The following ACACA variants were observed in gnomAD, a reference collection of about 807,000 sequenced individuals.
ACACA encodes the protein acetyl-CoA carboxylase alpha, also known as acetyl-CoA carboxylase 1.
Under a neutral mutation model 296.1 loss-of-function variants are expected in ACACA, and 103 were observed. That is an observed-to-expected ratio of 0.35 (90% confidence interval 0.30 to 0.41). The LOEUF is 0.41. Ranked by LOEUF, ACACA falls within the 10% of genes least tolerant of loss-of-function variation. ACACA has a pLI of 1.00. For synonymous variants in ACACA, 953 were observed against 1,038.6 expected (o/e 0.92, Z 1.58); for missense variants, 1,554 against 2,989.7 (o/e 0.52, Z 11.20).
Position 37,164,442 on chromosome 17 carries a change from T to C in ACACA, c.5080-2392A>G, listed in dbSNP as rs1344128703. On this transcript the variant is annotated intron_variant, in intron 41 of 55. Coordinates refer to ENST00000616317, the MANE Select transcript of ACACA (RefSeq NM_198834.3). ...TATATGAAACACCCTCAGATAAATA[T>C]AAGCTATTTAATATATCATACCATT... 5.3e-5 allele frequency among the ~76,000 whole-genome samples: 8 copies of C among 152,130 alleles called. No homozygotes were observed. In the East Asian group the frequency reaches 1.5e-3, roughly 29 times the overall value.
At chr17:37,325,230 G>A (rs1009429354) in intron 3 of ACACA, among the ~76,000 whole-genome samples, 2 of 151,548 alleles carry the variant, frequency 1.3e-5, no homozygotes, top group Non-Finnish European at 2.9e-5. Flanking sequence ...GTGCGGCATG[G>A]TGGAGAGCAC....
At chr17:37,221,288 G>A (rs2079276572) in intron 29 of ACACA, among the ~76,000 whole-genome samples, 2 of 152,132 alleles carry the variant, frequency 1.3e-5, no homozygotes, top group South Asian at 4.1e-4. Flanking sequence ...GTTTTAGGGA[G>A]ATAATGAAAC....
chr17:37,232,092 T>G (rs1470598463), intron 25 of ACACA, among the ~76,000 whole-genome samples: 3 of 152,174 alleles, frequency 2.0e-5, no homozygotes, highest in African/African-American at 7.2e-5. Context: ...TGAGGCAAGT[T>G]ACCACTGGGC....
intron 1 of ACACA, among the ~76,000 whole-genome samples, chr17:37,388,468 A>C (rs1392489153): frequency 6.6e-6 from 1 of 151,456 alleles, no homozygotes; most frequent in Non-Finnish European, 1.5e-5. Context: ...GTGCAAAAGA[A>C]GTTAGAGCAG....
chr17:37,151,362 C>T lies in ACACA; in HGVS notation c.5507G>A (p.Gly1836Asp), dbSNP rs1282194505. ...EEGIGPENLR[G>D]SGMIAGESSL... The stretch of plus-strand genomic sequence containing the variant: ...GGATTCTCCAGCAATCATTCCAGAA[C>T]CTCGAAGGTTCTCGGGTCCAATTCC... Residue 1836 changes from glycine to aspartate, a missense_variant, in exon 44 of 56, where the codon GGT becomes GAT. Physicochemically the swap from Gly to Asp is moderately conservative, Grantham distance 94 (BLOSUM62 -1). Transcript: ENST00000616317. 4.3e-6 allele frequency: 7 copies of T among 1,613,924 alleles called. No individual in the cohort carries two copies. The highest frequency in any genetic ancestry group is 1.3e-5 in the African/African-American group (1 of 74,928).
At chr17:37,395,935 A>G (rs1435763383) in intron 1 of ACACA, among the ~76,000 whole-genome samples, 1 of 152,270 alleles carries the variant, frequency 6.6e-6, no homozygotes, top group East Asian at 1.9e-4. Context: ...AAGAAGGTAC[A>G]TTCACAAAAA....
Position 37,193,384 on chromosome 17 carries a change from G to T in ACACA, c.4190C>A (p.Ala1397Glu). ...REFPKFFTFR[A>E]RDKFEEDRIY... Reference sequence around the variant, plus strand: ...GAAATCAATCCTTACCTTATCCCTTGCTCGGAATGTAAAAAATTTAGGGAA... The same window carrying T: ...GAAATCAATCCTTACCTTATCCCTTTCTCGGAATGTAAAAAATTTAGGGAA... Residue 1397 changes from alanine (A) to glutamate (E), a missense_variant, in exon 36 of 56, where the codon GCA becomes GAA. Ala to Glu is a moderately radical substitution (Grantham distance 107). Coordinates refer to ENST00000616317, the MANE Select transcript of ACACA (RefSeq NM_198834.3). The T allele has an allele frequency of 6.2e-7, 1 of 1,602,612 alleles. No individual in the cohort carries two copies. The highest frequency in any genetic ancestry group is 8.5e-7 in the Non-Finnish European group (1 of 1,170,184).
intron 45 of ACACA, among the ~76,000 whole-genome samples, chr17:37,133,497 T>C (rs918925019): frequency 2.0e-5 from 3 of 152,148 alleles, no homozygotes; most frequent in Non-Finnish European, 4.4e-5. Context: ...GCTATAACAG[T>C]TACACAAACC....
At chr17:37,090,689 A>G (rs1343570266) in intron 54 of ACACA, among the ~76,000 whole-genome samples, 1 of 152,180 alleles carries the variant, frequency 6.6e-6, no homozygotes, top group East Asian at 1.9e-4. Flanking sequence ...TGCTTTTCCC[A>G]TAACATGGTT....
At position 37,235,076 on chromosome 17, in the gene ACACA, C is replaced by T. The variant is rs758519292; in HGVS notation, c.3145G>A (p.Ala1049Thr). ...QNGHYDKCVF[A>T]LREENKSDMN... ...TCACTTTTATTCTCTTCTCGGAGGGCGAATACACATTTGTCATAGTGACCT... is the reference window on the plus strand; with the variant it reads ...TCACTTTTATTCTCTTCTCGGAGGGTGAATACACATTTGTCATAGTGACCT... The change falls in exon 25 of 56, where the codon GCC becomes ACC. Residue 1049 changes from alanine (A) to threonine (T), a missense_variant. This residue lies in a region of ACACA where 316 missense variants were observed against 540.9 expected (regional missense o/e 0.58). Coordinates refer to ENST00000616317, the MANE Select transcript of ACACA (RefSeq NM_198834.3). The T allele has an allele frequency of 1.2e-5, 19 of 1,612,968 alleles. No individual in the cohort carries two copies. The highest frequency in any genetic ancestry group is 2.2e-5 in the South Asian group (2 of 91,014).
chr17:37,091,839 G>A (rs566584609), intron 54 of ACACA, among the ~76,000 whole-genome samples: 1 of 152,094 alleles, frequency 6.6e-6, no homozygotes, highest in South Asian at 2.1e-4. Context: ...GCCTCCCAAA[G>A]TGCTGGGATT....
At chr17:37,104,609 G>A (rs2073557674) in intron 52 of ACACA, among the ~76,000 whole-genome samples, 1 of 152,162 alleles carries the variant, frequency 6.6e-6, no homozygotes, top group Admixed American at 6.5e-5. Context: ...CCTGGAGCCA[G>A]GATACAAAGA....
rs778437609 is a variant in ACACA at position 37,192,091 on chromosome 17, T to C, written c.4415A>G (p.Lys1472Arg). The C allele has an allele frequency of 1.9e-6, 3 of 1,614,114 alleles. No homozygotes were observed. The highest frequency in any genetic ancestry group is 8.5e-7 in the Non-Finnish European group (1 of 1,179,982). ...AIIRHSDLVT[K>R]EASFEYLQNE... ...ATCCCATTAAAGTACAGCACCCACC[T>C]TGGTGACCAGATCAGAATGCCTGAT... is the stretch of plus-strand genomic sequence containing the variant. The change falls in exon 37 of 56, where the codon AAG becomes AGG. Residue 1472 changes from lysine (K) to arginine (R), a missense_variant and splice_region_variant. By Grantham distance (26) the Lys-to-Arg change is conservative. Around this residue, in one of 16 missense-constraint regions of ACACA, gnomAD observed 35 missense variants for 131.8 expected, o/e 0.27. Coordinates refer to ENST00000616317, the MANE Select transcript of ACACA (RefSeq NM_198834.3).
At chr17:37,313,541 GACAT>G (rs1196536307) in intron 3 of ACACA, among the ~76,000 whole-genome samples, 1 of 152,180 alleles carries the variant, frequency 6.6e-6, no homozygotes, top group African/African-American at 2.4e-5. Flanking sequence ...CTCAAAAGCA[GACAT>G]ACAATTAGCA....
intron 50 of ACACA, among the ~76,000 whole-genome samples, chr17:37,118,720 T>C (rs909954319): frequency 2.6e-5 from 4 of 152,142 alleles, no homozygotes; most frequent in African/African-American, 9.7e-5. Context: ...TTAACCTAAT[T>C]TACATAAATC....
At chr17:37,092,606 A>T (rs114046892) in intron 54 of ACACA, among the ~76,000 whole-genome samples, 1 of 152,172 alleles carries the variant, frequency 6.6e-6, no homozygotes, top group Non-Finnish European at 1.5e-5. Context: ...TTCATTTCTA[A>T]CATACTGGAT....
rs528716595 is a variant in ACACA, at chr17:37,364,542, C to T, written c.39-24692G>A. ...CCGAGAGGCAGAGGTTGTAGTGAGC[C>T]AACAGGCCACTGCACTCCAGCCTGG... On this transcript the variant is annotated intron_variant, in intron 1 of 55. Coordinates refer to ENST00000616317, the MANE Select transcript of ACACA (RefSeq NM_198834.3). Among the ~76,000 whole-genome samples, 5 of 143,952 alleles carry T rather than the reference C, an allele frequency of 3.5e-5. No homozygotes were observed. In the South Asian group the frequency reaches 1.1e-3, roughly 32 times the overall value. The allele number at this position is 143,952 out of a possible 152,430, so 94.4% of individuals were successfully genotyped here.
Position 37,206,764 on chromosome 17 carries a change from C to T in ACACA, c.3948+19G>A. ...ATGTCTGAGGGGAACAAAGCAGTCT[C>T]CCAAAAGGGACATTATACCTTATCC... On this transcript the variant is annotated intron_variant, in intron 32 of 55. Transcript: ENST00000616317. The T allele has an allele frequency of 6.4e-7, 1 of 1,571,580 alleles. No individual in the cohort carries two copies. Among genetic ancestry groups the T allele is most frequent in the Non-Finnish European group, 8.8e-7 (1 of 1,141,558 alleles).
chr17:37,391,738 A>C (rs1218202365), intron 1 of ACACA: 1 of 1,607,066 alleles, frequency 6.2e-7, no homozygotes, highest in Non-Finnish European at 8.5e-7. Context: ...GTTCTGCTCT[A>C]TCTCAAAGAC....
Sources: gnomAD v4.1 joint callset for allele counts (sites outside exome capture counted in the v4.1 genomes callset) on GRCh38, gnomAD v4.1.1 for gene constraint, gnomAD v4.1.1 regional missense constraint, MANE v1.5 for transcripts, NCBI Gene and HGNC (gene_info 2026-07-23, HGNC 2026-07-21) for gene names.